ACYP2: variants seen among roughly 807,000 people sequenced by gnomAD.
The protein encoded by ACYP2 is acylphosphatase-2.
Under a neutral mutation model 11.2 loss-of-function variants are expected in ACYP2, and 12 were observed. The observed-to-expected ratio is 1.08, with a 90% confidence interval of 0.69 to 1.74. The LOEUF (loss-of-function observed/expected upper bound fraction) is 1.74, where lower values mean the gene tolerates loss of function less well. Ranked by LOEUF, ACYP2 falls within the 40% of genes most tolerant of loss-of-function variation. The pLI, the probability that ACYP2 is intolerant of heterozygous loss-of-function variation, is 0.00. For missense variants in ACYP2, 134 were observed against 101.9 expected (o/e 1.31, Z -1.35); for synonymous variants, 43 against 32.2 (o/e 1.33, Z -1.13).
chr2:54,102,677 A>T (rs71413249), intron 4 of ACYP2, among the ~76,000 whole-genome samples: 1 of 138,960 alleles, frequency 7.2e-6, no homozygotes, highest in Non-Finnish European at 1.5e-5. Flanking sequence ...AAAAAAAAGA[A>T]TATATTGGCT....
intron 6 of ACYP2, among the ~76,000 whole-genome samples, chr2:54,220,963 C>T (rs11895053): frequency 1.3e-4 from 20 of 152,320 alleles, no homozygotes; most frequent in African/African-American, 4.6e-4. Context: ...TCAGCCCTAT[C>T]CCACTGATGT....
chr2:54,275,177 T>C (rs1281708490), intron 6 of ACYP2, among the ~76,000 whole-genome samples: 2 of 152,250 alleles, frequency 1.3e-5, no homozygotes, highest in East Asian at 1.9e-4. Flanking sequence ...GATGACCAAA[T>C]TGAGGCTGCT....
intron 4 of ACYP2, 88 bp from the exon 1 acceptor site, chr2:54,115,527 C>CGCA: frequency 6.7e-7 from 1 of 1,491,364 alleles, no homozygotes; most frequent in East Asian, 2.6e-5. Context: ...TCCCAGGCCC[C>CGCA]GCAGTCTCAT....
intron 2 of ACYP2, among the ~76,000 whole-genome samples, chr2:53,990,652 C>CAAAAAAAAA (rs80058534): frequency 2.0e-5 from 1 of 49,564 alleles, no homozygotes; most frequent in Non-Finnish European, 4.6e-5. Context: ...TCCGTCTTAC[C>CAAAAAAAAA]AAAAAAAAAA....
At chr2:54,265,830 G>A (rs1420703036) in intron 6 of ACYP2, among the ~76,000 whole-genome samples, 1 of 152,182 alleles carries the variant, frequency 6.6e-6, no homozygotes, top group African/African-American at 2.4e-5. Flanking sequence ...CAGAATTGTT[G>A]TGAAGCACAG....
intron 6 of ACYP2, among the ~76,000 whole-genome samples, chr2:54,202,405 C>CTTT (rs61634500): frequency 1.6e-4 from 19 of 116,364 alleles, no homozygotes; most frequent in African/African-American, 3.6e-4. Context: ...CTGTGCCTGG[C>CTTT]TTTTTTTTTT....
intron 4 of ACYP2, among the ~76,000 whole-genome samples, chr2:54,091,310 A>G (rs554542130): frequency 1.3e-5 from 2 of 152,290 alleles, no homozygotes; most frequent in South Asian, 2.1e-4. Flanking sequence ...CCAAAATAGT[A>G]GGAAATCAAT....
chr2:54,176,556 A>G (rs1166386805), intron 6 of ACYP2, among the ~76,000 whole-genome samples: 1 of 152,242 alleles, frequency 6.6e-6, no homozygotes, highest in Non-Finnish European at 1.5e-5. Context: ...AACACTTGGA[A>G]CAACAGAAAA....
rs747203329 is a variant in ACYP2, at chr2:54,255,593, C to T, written c.405-49095C>T. Reference sequence around the variant, plus strand: ...GGCCCGGGCCCGGGCCCAGGCCCTGCCTCCCTGTTTACCTCATCTATTGCT... The same window carrying T: ...GGCCCGGGCCCGGGCCCAGGCCCTGTCTCCCTGTTTACCTCATCTATTGCT... On this transcript the variant is annotated intron_variant, in intron 6 of 6. Coordinates refer to ENST00000607452, the MANE Select transcript of ACYP2 (RefSeq NM_001320586.2). 6 of 1,612,986 alleles carry T rather than the reference C, an allele frequency of 3.7e-6. No individual in the cohort carries two copies. In the East Asian group the frequency reaches 8.9e-5, roughly 24 times the overall value.
intron 6 of ACYP2, among the ~76,000 whole-genome samples, chr2:54,202,622 G>T (rs946972704): frequency 7.2e-6 from 1 of 139,520 alleles, no homozygotes; most frequent in African/African-American, 2.7e-5. Flanking sequence ...TGGCCGGGTT[G>T]GTTTCGAACT....
chr2:54,245,421 T>C (rs1467071845), intron 6 of ACYP2, among the ~76,000 whole-genome samples: 1 of 152,236 alleles, frequency 6.6e-6, no homozygotes, highest in Admixed American at 6.5e-5. Flanking sequence ...TTGGTTCATA[T>C]GGCAGTTCCA....
chr2:53,986,453 C>T (rs1672041617), intron 2 of ACYP2, among the ~76,000 whole-genome samples: 1 of 151,750 alleles, frequency 6.6e-6, no homozygotes, highest in South Asian at 2.1e-4. Flanking sequence ...TCTCCTGCCT[C>T]AGTCTCCTGA....
At chr2:54,282,718 G>A (rs1222569903) in intron 6 of ACYP2, among the ~76,000 whole-genome samples, 1 of 152,108 alleles carries the variant, frequency 6.6e-6, no homozygotes, top group Non-Finnish European at 1.5e-5. Flanking sequence ...AATTTTTTCT[G>A]ATGGAAATTG....
At chr2:54,169,353 C>T (rs1442376361) in intron 6 of ACYP2, among the ~76,000 whole-genome samples, 1 of 152,162 alleles carries the variant, frequency 6.6e-6, no homozygotes, top group Non-Finnish European at 1.5e-5. Context: ...CCCCCTTTGA[C>T]TTCAGTTTCA....
In ACYP2 at chr2:54,054,783, G is replaced by A. The variant is rs147594924; in HGVS notation, c.156-2456G>A. ...ACATATAACTCATCTGAATACAAGAGACTTCCTTCTAAAGGATTTGACATA... is the reference window on the plus strand; with the variant it reads ...ACATATAACTCATCTGAATACAAGAAACTTCCTTCTAAAGGATTTGACATA... On this transcript the variant is annotated intron_variant, in intron 3 of 6. Coordinates refer to ENST00000607452, the MANE Select transcript of ACYP2 (RefSeq NM_001320586.2). Among the ~76,000 whole-genome samples, 643 of 152,280 alleles carry A rather than the reference G, an allele frequency of 4.2e-3. 3 individuals are homozygous for A. Among genetic ancestry groups the A allele is most frequent in the Middle Eastern group, 0.014 (4 of 294 alleles).
chr2:54,276,653 A>ACT (rs1324816628), intron 6 of ACYP2, among the ~76,000 whole-genome samples: 28 of 148,362 alleles, frequency 1.9e-4, no homozygotes, highest in Non-Finnish European at 4.4e-5. Flanking sequence ...ACACACACAC[A>ACT]CACACACACC....
chr2:54,109,814 ATAGT>A (rs1205353100), intron 4 of ACYP2, among the ~76,000 whole-genome samples: 1 of 152,172 alleles, frequency 6.6e-6, no homozygotes, highest in Non-Finnish European at 1.5e-5. Context: ...ATATTAATAA[ATAGT>A]ATTTTCTACC....
At chr2:54,277,677 T>TAA (rs143521400) in intron 6 of ACYP2, among the ~76,000 whole-genome samples, 246 of 147,756 alleles carry the variant, frequency 1.7e-3, no homozygotes, top group African/African-American at 5.9e-3. Flanking sequence ...GACTCCGTCT[T>TAA]AAAAAAAAAA....
intron 4 of ACYP2, among the ~76,000 whole-genome samples, chr2:54,118,130 G>A (rs913448556): frequency 6.6e-6 from 1 of 152,194 alleles, no homozygotes; most frequent in African/African-American, 2.4e-5. Context: ...TCAGTTTTAG[G>A]AAGGAATATA....
Sources: gnomAD v4.1 joint callset for allele counts (sites outside exome capture counted in the v4.1 genomes callset) on GRCh38, gnomAD v4.1.1 for gene constraint, MANE v1.5 for transcripts, NCBI Gene and HGNC (gene_info 2026-07-23, HGNC 2026-07-21) for gene names.